LRRCC1: variants seen among roughly 807,000 people sequenced by gnomAD.
LRRCC1 encodes the protein leucine rich repeat and coiled-coil centrosomal protein 1, also known as leucine-rich repeat and coiled-coil domain-containing protein 1.
In LRRCC1, 115 loss-of-function variants were observed where a neutral mutation model predicts 126.0. The observed-to-expected ratio is 0.91, with a 90% CI of 0.78 to 1.07. The LOEUF is 1.07. Ranked by LOEUF, LRRCC1 falls within the 50% of genes least tolerant of loss-of-function variation. The pLI, the probability that LRRCC1 is intolerant of heterozygous loss-of-function variation, is 0.00. For synonymous variants in LRRCC1, 400 were observed against 393.4 expected, an observed-to-expected ratio of 1.02 and a Z score of -0.20; for missense variants, 1,172 against 1,175.7, an observed-to-expected ratio of 1.00 and a Z score of 0.05.
chr8:85,133,428 C>T (rs1810630781), intron 12 of LRRCC1, among the ~76,000 whole-genome samples: 1 of 152,174 alleles, frequency 6.6e-6, no homozygotes, highest in Non-Finnish European at 1.5e-5. Flanking sequence ...CACACTCATT[C>T]TCTTGGTAAA....
chr8:85,135,132 G>T (rs927734957), intron 13 of LRRCC1, 100 bp downstream of exon 13: 23 of 781,974 alleles, frequency 2.9e-5, no homozygotes, highest in Non-Finnish European at 4.4e-5. Context: ...ACTTTTAAAT[G>T]ATACTAATTA....
intron 9 of LRRCC1, among the ~76,000 whole-genome samples, chr8:85,128,039 G>A (rs1810148345): frequency 6.6e-6 from 1 of 152,220 alleles, no homozygotes; most frequent in South Asian, 2.1e-4. Context: ...TAGTAGAAGA[G>A]AAAAGATATG....
chr8:85,125,062 T>TTG (rs1809868706), intron 8 of LRRCC1, 123 bp downstream of exon 8: 1 of 609,164 alleles, frequency 1.6e-6, no homozygotes, highest in Non-Finnish European at 2.7e-6. Context: ...TGAAAATGGG[T>TTG]TATTTTTTCC....
rs1195321287 is a variant in LRRCC1 at position 85,107,331 on chromosome 8, G to C, written c.36G>C (p.Ala12=). The change falls in exon 1 of 19, where the codon GCG becomes GCC. Residue 12 remains alanine, a synonymous_variant. Coordinates refer to ENST00000360375, the MANE Select transcript of LRRCC1 (RefSeq NM_033402.5). ...EAAAAVVAAE[A]EVENEDGDSS... Reference sequence around the variant, plus strand: ...CGGCGGCGGTGGTGGCGGCAGAGGCGGAAGTGGAAAACGAAGACGGCGACA... The same window carrying C: ...CGGCGGCGGTGGTGGCGGCAGAGGCCGAAGTGGAAAACGAAGACGGCGACA... 2 of 1,613,634 alleles carry C rather than the reference G, an allele frequency of 1.2e-6. No homozygotes were observed. Among genetic ancestry groups the C allele is most frequent in the African/African-American group, 2.7e-5 (2 of 75,048 alleles).
intron 9 of LRRCC1, among the ~76,000 whole-genome samples, chr8:85,128,439 A>G (rs1282807095): frequency 5.1e-5 from 1 of 19,744 alleles, no homozygotes. Context: ...CCCCCCCACC[A>G]CCACATGTTT....
At chr8:85,114,700 A>G (rs1808971137) in intron 4 of LRRCC1, among the ~76,000 whole-genome samples, 1 of 152,142 alleles carries the variant, frequency 6.6e-6, no homozygotes, top group Non-Finnish European at 1.5e-5. Flanking sequence ...CATTTTGGTC[A>G]TTATCCACAT....
chr8:85,107,907 A>G (rs1808385662), intron 1 of LRRCC1, among the ~76,000 whole-genome samples: 1 of 152,220 alleles, frequency 6.6e-6, no homozygotes, highest in South Asian at 2.1e-4. Flanking sequence ...GTTACAGAAC[A>G]TTGCAATACA....
At position 85,131,767 on chromosome 8, in the gene LRRCC1, C is replaced by T; in HGVS notation, c.1774C>T (p.Leu592Phe). The change falls in exon 12 of 19, where the codon CTT becomes TTT. Residue 592 changes from leucine (L) to phenylalanine (F), a missense_variant. Physicochemically the swap from Leu to Phe is conservative, Grantham distance 22 (BLOSUM62 0). Coordinates refer to ENST00000360375, the MANE Select transcript of LRRCC1 (RefSeq NM_033402.5). ...ALKEQEHRKE[L>F]ETREFFTDAD... The stretch of plus-strand genomic sequence containing the variant: ...ATATGTTTTTCACTCCAGGAAGGAA[C>T]TTGAAACAAGGGAGTTTTTTACTGA... The T allele has an allele frequency of 6.2e-7, 1 of 1,611,228 alleles. No homozygotes were observed. The highest frequency in any genetic ancestry group is 1.3e-5 in the African/African-American group (1 of 74,756).
At position 85,129,927 on chromosome 8, in the gene LRRCC1, G is replaced by A. The variant is rs558791133; in HGVS notation, c.1635G>A (p.Leu545=). The part of the protein sequence containing the change: ...KRQQQAAQIR[L]IQEVELKASA... ...GTGGGTATTTTACTCAGATAAGACT[G>A]ATCCAAGAGGTGGAACTCAAAGCTT... Residue 545 remains leucine, a synonymous_variant, in exon 11 of 19, where the codon CTG becomes CTA. Transcript: ENST00000360375. 1.9e-6 allele frequency: 3 copies of A among 1,573,560 alleles called. No homozygotes were observed. Among genetic ancestry groups the A allele is most frequent in the Non-Finnish European group, 2.6e-6 (3 of 1,165,738 alleles).
chr8:85,128,169 A>G (rs940278735), intron 9 of LRRCC1, among the ~76,000 whole-genome samples: 3 of 152,124 alleles, frequency 2.0e-5, no homozygotes, highest in Non-Finnish European at 4.4e-5. Context: ...AAATTTTGGC[A>G]TTCTCTTATC....
intron 3 of LRRCC1, among the ~76,000 whole-genome samples, chr8:85,110,759 T>C (rs763001926): frequency 1.3e-5 from 2 of 152,244 alleles, no homozygotes; most frequent in Non-Finnish European, 2.9e-5. Context: ...ATCTGTAATA[T>C]AGCTAAGGAG....
chr8:85,128,795 G>A (rs1475256697), intron 9 of LRRCC1, among the ~76,000 whole-genome samples: 2 of 152,020 alleles, frequency 1.3e-5, no homozygotes, highest in African/African-American at 4.8e-5. Flanking sequence ...TAGAAATCTA[G>A]GAATCTTTGT....
At chr8:85,135,665 G>A in intron 13 of LRRCC1, 124 bp from the exon 14 acceptor site, 1 of 567,502 alleles carries the variant, frequency 1.8e-6, no homozygotes, top group Non-Finnish European at 2.7e-6. Flanking sequence ...AACTTCTGAT[G>A]TAAAATTTGG....
chr8:85,132,375 C>CTTTTTTTTTTT (rs551423793), intron 12 of LRRCC1, among the ~76,000 whole-genome samples: 13 of 109,924 alleles, frequency 1.2e-4, no homozygotes, highest in African/African-American at 1.8e-4. Flanking sequence ...TGAGTACTTT[C>CTTTTTTTTTTT]TTTTTTTTTT....
At position 85,129,207 on chromosome 8, in the gene LRRCC1, C is replaced by A; in HGVS notation, c.1454C>A (p.Ser485Tyr). ...LKEIIFRERN[S>Y]KGQLEVMVHK... ...GAAATTATTTTTAGAGAGAGAAATT[C>A]CAAAGGACAACTCGAAGTTATGGTT... Residue 485 changes from serine (S) to tyrosine (Y), a missense_variant, in exon 10 of 19, where the codon TCC becomes TAC. By Grantham distance (144) the Ser-to-Tyr change is moderately radical. Coordinates refer to ENST00000360375, the MANE Select transcript of LRRCC1 (RefSeq NM_033402.5). The A allele has an allele frequency of 6.2e-7, 1 of 1,611,740 alleles. No individual in the cohort carries two copies.
rs916702793 is a variant in LRRCC1, at chr8:85,140,980, C to G, written c.2841-402C>G. The stretch of plus-strand genomic sequence containing the variant: ...ACTTGGGAGGCTGAAGCATGAGAAT[C>G]ACTTGAACCTGGGAGCCAGAGGTTG... On this transcript the variant is annotated intron_variant, in intron 17 of 18. Coordinates refer to ENST00000360375, the MANE Select transcript of LRRCC1 (RefSeq NM_033402.5). 2.0e-5 allele frequency among the ~76,000 whole-genome samples: 3 copies of G among 152,066 alleles called. No individual in the cohort carries two copies. In the South Asian group the frequency reaches 6.2e-4, roughly 32 times the overall value.
At chr8:85,115,663 T>A in intron 6 of LRRCC1, 79 bp downstream of exon 6, 1 of 1,080,584 alleles carries the variant, frequency 9.3e-7, no homozygotes, top group Non-Finnish European at 1.3e-6. Context: ...AAAAATTATG[T>A]ACTAGCTGAC....
intron 9 of LRRCC1, among the ~76,000 whole-genome samples, chr8:85,128,765 C>G (rs1256262680): frequency 6.6e-6 from 1 of 152,108 alleles, no homozygotes; most frequent in African/African-American, 2.4e-5. Flanking sequence ...CATCCAGCAT[C>G]CAGTCAGTCA....
intron 10 of LRRCC1, 45 bp from the exon 11 acceptor site, chr8:85,129,874 G>T: frequency 2.1e-6 from 3 of 1,399,216 alleles, no homozygotes; most frequent in Non-Finnish European, 1.9e-6. Context: ...AAAATAGCAG[G>T]GGAGACTATT....
Sources: gnomAD v4.1 joint callset for allele counts (sites outside exome capture counted in the v4.1 genomes callset) on GRCh38, gnomAD v4.1.1 for gene constraint, MANE v1.5 for transcripts, NCBI Gene and HGNC (gene_info 2026-07-23, HGNC 2026-07-21) for gene names.